BCL9L: variants seen among roughly 807,000 people sequenced by gnomAD.
BCL9L encodes BCL9 like.
BCL9L carries 19 observed loss-of-function variants against 99.4 expected under a neutral mutation model. That is an observed-to-expected ratio of 0.19 (90% CI 0.13 to 0.28). The LOEUF is 0.28. Among genes scored for constraint, BCL9L ranks in the 10% least tolerant of loss-of-function variants. BCL9L has a pLI of 1.00. For synonymous variants in BCL9L, 900 were observed against 854.8 expected (o/e 1.05, Z -0.92); for missense variants, 2,023 against 2,101.6 (o/e 0.96, Z 0.73).
At chr11:118,908,939 C>T (rs747763874) in intron 3 of BCL9L, among the ~76,000 whole-genome samples, 1 of 152,186 alleles carries the variant, frequency 6.6e-6, no homozygotes, top group Non-Finnish European at 1.5e-5. Flanking sequence ...AATTCACCCA[C>T]CTCAGCCCCA....
chr11:118,902,339 G>A lies in BCL9L; in HGVS notation c.1404C>T (p.Pro468=). 2 of 1,544,316 alleles carry A rather than the reference G, an allele frequency of 1.3e-6. No homozygotes were observed. Among genetic ancestry groups the A allele is most frequent in the Non-Finnish European group, 1.7e-6 (2 of 1,147,186 alleles). ...PPSGLKKYEE[P]LQSMISQTQS... ...GTGTCTGTGAAATCATGGACTGCAA[G>A]GGTTCCTCATATTTCTTCAGCCCGC... The change falls in exon 8 of 10, where the codon CCC becomes CCT. Residue 468 remains proline (P), a synonymous_variant. Coordinates refer to ENST00000683865, the MANE Select transcript of BCL9L (RefSeq NM_001378213.1). The surrounding 1 kb of genome is among the most constrained non-coding windows in gnomAD (Gnocchi z 7.8).
Position 118,898,526 on chromosome 11 carries a change from CG to C in BCL9L, c.4388del (p.Pro1463ArgfsTer94), listed in dbSNP as rs1555172524. The C allele has an allele frequency of 1.3e-6, 2 of 1,599,442 alleles. No individual in the cohort carries two copies. The highest frequency in any genetic ancestry group is 1.7e-6 in the Non-Finnish European group (2 of 1,170,254). Reference protein sequence around the residue: ...LSPQGSLMGPPPQQNLMVSHP... With the variant: ...LSPQGSLMGPXPQQNLMVSHP... The stretch of plus-strand genomic sequence containing the variant: ...GGGACACCATGAGGTTCTGCTGGGG[CG>C]GGGGGCCCATGAGGGAGCCCTGCGG... On this transcript the variant is annotated frameshift_variant, in exon 10 of 10. Transcript: ENST00000683865. LOFTEE classifies it high-confidence loss of function.
Position 118,902,622 on chromosome 11 carries a change from G to T in BCL9L, c.1121C>A (p.Ala374Asp), listed in dbSNP as rs1395752963. The change falls in exon 8 of 10, where the codon GCC (alanine) becomes GAC (aspartate). Residue 374 changes from alanine (A) to aspartate (D), a missense_variant. Coordinates refer to ENST00000683865, the MANE Select transcript of BCL9L (RefSeq NM_001378213.1). The surrounding 1 kb of genome is among the most constrained non-coding windows in gnomAD (Gnocchi z 7.8). ...CTCCCCCAGCAGGGCAGGGCCGGGG[G>T]CACTGCTGGGGTCTCCTCCAGGAGG... ...PLPPGGDPSS[A>D]PGPALLGEAA... is the part of the protein sequence containing the mutation. 1 of 1,599,812 alleles carries T rather than the reference G, an allele frequency of 6.3e-7. No individual in the cohort carries two copies. The highest frequency in any genetic ancestry group is 8.5e-7 in the Non-Finnish European group (1 of 1,179,824).
In BCL9L at chr11:118,922,667, C is replaced by T. The variant is rs1462283286; in HGVS notation, c.-131+2571G>A. Among the ~76,000 whole-genome samples the T allele has an allele frequency of 6.6e-6, 1 of 152,112 alleles. No homozygotes were observed. On this transcript the variant is annotated intron_variant, in intron 1 of 9. Coordinates refer to ENST00000683865, the MANE Select transcript of BCL9L (RefSeq NM_001378213.1). The surrounding 1 kb of genome is among the most constrained non-coding windows in gnomAD (Gnocchi z 6.2). ...TTGGCTCCCACGGCTGCCCACTTTCCCACGGTGCCATCCCCCTTCTGCCCC... is the reference window on the plus strand; with the variant it reads ...TTGGCTCCCACGGCTGCCCACTTTCTCACGGTGCCATCCCCCTTCTGCCCC...
rs763712696 is a variant in BCL9L at position 118,898,520 on chromosome 11, C to G, written c.4395G>C (p.Gln1465His). Residue 1465 changes from glutamine (Q) to histidine (H), a missense_variant, in exon 10 of 10, where the codon CAG becomes CAC. By Grantham distance (24) the Gln-to-His change is conservative. Coordinates refer to ENST00000683865, the MANE Select transcript of BCL9L (RefSeq NM_001378213.1). ...PQGSLMGPPP[Q>H]QNLMVSHPLR... ...GGGGGTGGGACACCATGAGGTTCTG[C>G]TGGGGCGGGGGGCCCATGAGGGAGC... The G allele has an allele frequency of 1.2e-5, 19 of 1,600,104 alleles. No homozygotes were observed. Among genetic ancestry groups the G allele is most frequent in the African/African-American group, 2.7e-5 (2 of 74,742 alleles).
rs374712866 is a variant in BCL9L at position 118,903,289 on chromosome 11, G to C, written c.696C>G (p.Pro232=). ...ATACGAACTGCGAGGGAGGCTTTCC[G>C]GGGACGCCCCCGCCCCCGCCCCCGC... ...PGGGGGGGGV[P]GKPPSQFVYV... is the part of the protein sequence containing the mutation. Residue 232 remains proline (P), a synonymous_variant, in exon 6 of 10, where the codon CCC becomes CCG. Transcript: ENST00000683865. The surrounding 1 kb of genome is among the most constrained non-coding windows in gnomAD (Gnocchi z 5.6). The C allele has an allele frequency of 2.0e-5, 32 of 1,580,376 alleles. No homozygotes were observed. The highest frequency in any genetic ancestry group is 2.5e-5 in the Non-Finnish European group (29 of 1,165,106).
chr11:118,916,006 T>G (rs1023079266), intron 2 of BCL9L, among the ~76,000 whole-genome samples: 1 of 152,120 alleles, frequency 6.6e-6, no homozygotes, highest in Non-Finnish European at 1.5e-5. Context: ...CGTGTTCACA[T>G]TGGAACATCT....
In BCL9L at chr11:118,922,921, CTT is replaced by C. The variant is rs1238413780; in HGVS notation, c.-131+2315_-131+2316del. Reference sequence around the variant, plus strand: ...CTTCTGATTCTGGGAAGACTGGAAACTTGAACACCCCAGCTCTCCAGAGCTGT... The same window carrying C: ...CTTCTGATTCTGGGAAGACTGGAAACGAACACCCCAGCTCTCCAGAGCTGT... On this transcript the variant is annotated intron_variant, in intron 1 of 9. Coordinates refer to ENST00000683865, the MANE Select transcript of BCL9L (RefSeq NM_001378213.1). This position sits in a 1 kb window ranked among gnomAD's most constrained non-coding sequence, Gnocchi z 6.2. Among the ~76,000 whole-genome samples the C allele has an allele frequency of 6.6e-6, 1 of 152,124 alleles. No individual in the cohort carries two copies. Among genetic ancestry groups the C allele is most frequent in the Non-Finnish European group, 1.5e-5 (1 of 67,988 alleles).
At position 118,922,628 on chromosome 11, in the gene BCL9L, C is replaced by T. The variant is rs1565631747; in HGVS notation, c.-131+2610G>A. Among the ~76,000 whole-genome samples, 1 of 152,034 alleles carries T rather than the reference C, an allele frequency of 6.6e-6. No individual in the cohort carries two copies. Among genetic ancestry groups the T allele is most frequent in the Non-Finnish European group, 1.5e-5 (1 of 67,970 alleles). ...GCAGAGGCTCCCTGCCCGCGGCACCCAGCCTGTACCCGCTTGGCTCCCACG... is the reference window on the plus strand; with the variant it reads ...GCAGAGGCTCCCTGCCCGCGGCACCTAGCCTGTACCCGCTTGGCTCCCACG... On this transcript the variant is annotated intron_variant, in intron 1 of 9. Transcript: ENST00000683865. The surrounding 1 kb of genome is among the most constrained non-coding windows in gnomAD (Gnocchi z 6.2).
At position 118,897,471 on chromosome 11, in the gene BCL9L, C is replaced by G. The variant is rs1939961057; in HGVS notation, c.*944G>C. 1.0e-5 allele frequency: 3 copies of G among 296,482 alleles called. No individual in the cohort carries two copies. In the Admixed American group the frequency reaches 1.5e-4, roughly 15 times the overall value. 18.4% of individuals were successfully genotyped at this position (296,482 alleles called of 1,614,324 possible). On this transcript the variant is annotated 3_prime_UTR_variant, in exon 10 of 10. Transcript: ENST00000683865. Reference sequence around the variant, plus strand: ...TCACCGGTGTGGGCAAACACACATGCACGTGCACACATGTTCTCCCTGAAT... The same window carrying G: ...TCACCGGTGTGGGCAAACACACATGGACGTGCACACATGTTCTCCCTGAAT...
In BCL9L at chr11:118,908,454, C is replaced by A. The variant is rs780610892; in HGVS notation, c.228G>T (p.Gly76=). ...TGGCCTTGGCCCCATGGTTCCCCGC[C>A]CCCACGCCCTTCGAGCCCACGTTGC... ...PTCNVGSKGV[G]AGNHGAKANQ... Residue 76 remains glycine, a synonymous_variant, in exon 4 of 10, where the codon GGG becomes GGT. Transcript: ENST00000683865. 1.2e-6 allele frequency: 2 copies of A among 1,614,120 alleles called. No homozygotes were observed. Among genetic ancestry groups the A allele is most frequent in the East Asian group, 4.5e-5 (2 of 44,870 alleles).
At chr11:118,919,645 C>CG (rs1055264873) in intron 1 of BCL9L, among the ~76,000 whole-genome samples, 5 of 151,998 alleles carry the variant, frequency 3.3e-5, no homozygotes, top group Admixed American at 6.5e-5. Flanking sequence ...CTGCACTGGG[C>CG]GGGGGGTGTC....
In BCL9L at chr11:118,902,477, G is replaced by A. The variant is rs201662152; in HGVS notation, c.1266C>T (p.Leu422=). The change falls in exon 8 of 10, where the codon CTC becomes CTT. Residue 422 remains leucine, a synonymous_variant. Transcript: ENST00000683865. This position sits in a 1 kb window ranked among gnomAD's most constrained non-coding sequence, Gnocchi z 7.8. ...GGAAGGGCTCAGTCTCTCCGCTGCGGAGCAGCAGTCGCTCAATGTCTCGCA... is the reference window on the plus strand; with the variant it reads ...GGAAGGGCTCAGTCTCTCCGCTGCGAAGCAGCAGTCGCTCAATGTCTCGCA... ...QTLRDIERLL[L]RSGETEPFLK... is the part of the protein sequence containing the mutation. 4.3e-5 allele frequency: 70 copies of A among 1,609,640 alleles called. No individual in the cohort carries two copies. The Middle Eastern group carries it at 5.0e-4, about 11-fold the overall frequency.
rs1275218628 is a variant in BCL9L at position 118,925,742 on chromosome 11, C to G, written c.-635G>C. ...GGGTCACAGCCCCCGGGCGGCGCGG[C>G]GCCGGGGGACCCAGGCGTGCGGGCG... On this transcript the variant is annotated 5_prime_UTR_variant, in exon 1 of 10. Coordinates refer to ENST00000683865, the MANE Select transcript of BCL9L (RefSeq NM_001378213.1). This position sits in a 1 kb window ranked among gnomAD's most constrained non-coding sequence, Gnocchi z 6.4. The G allele has an allele frequency of 6.7e-6, 1 of 150,242 alleles. No homozygotes were observed. The highest frequency in any genetic ancestry group is 1.5e-5 in the Non-Finnish European group (1 of 67,450). The allele number at this position is 150,242 out of a possible 1,614,324, so 9.3% of individuals were successfully genotyped here.
chr11:118,897,933 G>T lies in BCL9L; in HGVS notation c.*482C>A. The T allele has an allele frequency of 2.3e-6, 1 of 443,754 alleles. No homozygotes were observed. Among genetic ancestry groups the T allele is most frequent in the Non-Finnish European group, 4.5e-6 (1 of 223,748 alleles). 27.5% of individuals were successfully genotyped at this position (443,754 alleles called of 1,614,324 possible). A position where few individuals can be genotyped will look rare whatever the true frequency, so the allele number is the denominator to read the frequency against. On this transcript the variant is annotated 3_prime_UTR_variant, in exon 10 of 10. Transcript: ENST00000683865. The stretch of plus-strand genomic sequence containing the variant: ...TCAGCAGGGAAAGGATACGAAGCAG[G>T]TAAAGACAGAAGGAAAATGGGCGGG...
Position 118,899,991 on chromosome 11 carries a change from G to T in BCL9L, c.3332C>A (p.Ala1111Asp). ...PLYHNAIKTI[A>D]TSDDELLPDR... is the part of the protein sequence containing the mutation. ...GGGCAGCAGCTCGTCGTCTGAGGTG[G>T]CGATGGTCTTGATGGCATTGTGGTA... Residue 1111 changes from alanine (A) to aspartate (D), a missense_variant, in exon 9 of 10, where the codon GCC becomes GAC. Transcript: ENST00000683865. 1 of 1,614,130 alleles carries T rather than the reference G, an allele frequency of 6.2e-7. No homozygotes were observed.
intron 2 of BCL9L, 30 bp from the exon 3 acceptor site, chr11:118,910,045 C>T: frequency 1.3e-6 from 2 of 1,497,350 alleles, no homozygotes; most frequent in East Asian, 2.4e-5. Context: ...AGAGAAAACT[C>T]GTGACTTGGG....
Position 118,901,278 on chromosome 11 carries a change from G to A in BCL9L, c.2465C>T (p.Ala822Val), listed in dbSNP as rs748269018. The A allele has an allele frequency of 1.9e-6, 3 of 1,613,830 alleles. No individual in the cohort carries two copies. Among genetic ancestry groups the A allele is most frequent in the Non-Finnish European group, 1.7e-6 (2 of 1,179,990 alleles). ...LSPEEMARVR[A>V]QNSSGVMGGP... ...GCCCATCACGCCACTGCTGTTCTGG[G>A]CCCGAACCCGGGCCATCTCCTCAGG... The change falls in exon 8 of 10, where the codon GCC becomes GTC. Residue 822 changes from alanine to valine, a missense_variant. Physicochemically the swap from Ala to Val is moderately conservative, Grantham distance 64 (BLOSUM62 0). Around this residue, in one of 3 missense-constraint regions of BCL9L, gnomAD observed 1,116 missense variants for 1,194.6 expected, o/e 0.93. Transcript: ENST00000683865. This position sits in a 1 kb window ranked among gnomAD's most constrained non-coding sequence, Gnocchi z 6.6.
chr11:118,898,728 T>G lies in BCL9L; in HGVS notation c.4187A>C (p.Gln1396Pro), dbSNP rs1250454717. 1 of 1,613,186 alleles carries G rather than the reference T, an allele frequency of 6.2e-7. No homozygotes were observed. The highest frequency in any genetic ancestry group is 8.5e-7 in the Non-Finnish European group (1 of 1,179,834). Residue 1396 changes from glutamine to proline, a missense_variant, in exon 10 of 10, where the codon CAG becomes CCG. Around this residue, in one of 3 missense-constraint regions of BCL9L, gnomAD observed 902 missense variants for 888.2 expected, o/e 1.02. Transcript: ENST00000683865. ...GLNMSMCHPG[Q>P]MSLLGRTGVP... The stretch of plus-strand genomic sequence containing the variant: ...GCCTGTCCTGCCCAGCAAGGACATC[T>G]GTCCAGGGTGGCACATGGACATGTT...
Sources: allele counts gnomAD v4.1 joint callset (sites outside exome capture counted in the v4.1 genomes callset), GRCh38; gene constraint gnomAD v4.1.1; regional missense constraint gnomAD v4.1.1; non-coding constraint Gnocchi (gnomAD v3.1); transcripts MANE v1.5; gene names NCBI Gene and HGNC (gene_info 2026-07-23, HGNC 2026-07-21).